ZBED6: variants seen among roughly 807,000 people sequenced by gnomAD.
ZBED6 encodes zinc finger BED-type containing 6, also known as zinc finger BED domain-containing protein 6.
Under a neutral mutation model 58.4 loss-of-function variants are expected in ZBED6, and 40 were observed. The observed-to-expected ratio is 0.68, with a 90% CI of 0.53 to 0.89. The LOEUF is 0.89. Ranked by LOEUF, ZBED6 falls within the 40% of genes least tolerant of loss-of-function variation. ZBED6 has a pLI of 0.00. For missense variants in ZBED6, 1,057 were observed against 1,003.9 expected (o/e 1.05, Z -0.71); for synonymous variants, 439 against 350.6 (o/e 1.25, Z -2.82).
intron 7 of ZBED6, 47 bp downstream of exon 7, chr1:203,830,250 G>T: frequency 7.0e-7 from 1 of 1,433,196 alleles, no homozygotes; most frequent in Non-Finnish European, 9.6e-7. Context: ...TGCTAGGGAA[G>T]AATACTAAGG....
chr1:203,818,798 A>G, intron 3 of ZBED6, 109 bp downstream of exon 3: 2 of 1,518,566 alleles, frequency 1.3e-6, no homozygotes, highest in African/African-American at 1.4e-5. Flanking sequence ...GGCTGAGTGC[A>G]GTGGCTCATG....
At chr1:203,834,281 T>C (rs914994851) in intron 9 of ZBED6, among the ~76,000 whole-genome samples, 1 of 152,176 alleles carries the variant, frequency 6.6e-6, no homozygotes, top group African/African-American at 2.4e-5. Flanking sequence ...TATTTATTTA[T>C]TTATTTAGAG....
intron 9 of ZBED6, among the ~76,000 whole-genome samples, chr1:203,837,102 C>G (rs1572245748): frequency 6.6e-6 from 1 of 151,946 alleles, no homozygotes; most frequent in African/African-American, 2.4e-5. Context: ...CAAGACCAGC[C>G]TGGGCAACAT....
chr1:203,844,593 T>C (rs1053106242), intron 11 of ZBED6, among the ~76,000 whole-genome samples: 1 of 152,216 alleles, frequency 6.6e-6, no homozygotes, highest in Admixed American at 6.5e-5. Flanking sequence ...TTTCCATAGT[T>C]GTAAGTACCT....
intron 3 of ZBED6, among the ~76,000 whole-genome samples, chr1:203,824,910 A>C (rs1283744915): frequency 6.6e-6 from 1 of 152,020 alleles, no homozygotes; most frequent in African/African-American, 2.4e-5. Flanking sequence ...CCCTGTCTCT[A>C]CTAAAAATAC....
chr1:203,841,142 C>G (rs200251988), intron 11 of ZBED6, among the ~76,000 whole-genome samples: 23 of 129,834 alleles, frequency 1.8e-4, no homozygotes, highest in Non-Finnish European at 3.7e-4. Flanking sequence ...ACATAAGAAT[C>G]TTTTTTTTTT....
intron 1 of ZBED6, among the ~76,000 whole-genome samples, chr1:203,809,082 G>A (rs1410032173): frequency 4.6e-5 from 7 of 151,522 alleles, no homozygotes; most frequent in South Asian, 4.2e-4. Flanking sequence ...CACCTGTCTC[G>A]GCCTCCCAAA....
At chr1:203,803,860 G>A (rs1671285409) in intron 1 of ZBED6, among the ~76,000 whole-genome samples, 2 of 152,092 alleles carry the variant, frequency 1.3e-5, no homozygotes, top group African/African-American at 2.4e-5. Flanking sequence ...TCCTGCCTTG[G>A]CCAACCAGTG....
intron 4 of ZBED6, 63 bp downstream of exon 4, chr1:203,828,485 C>G (rs533562441): frequency 2.2e-4 from 340 of 1,531,648 alleles, no homozygotes; most frequent in Non-Finnish European, 2.7e-4. Flanking sequence ...CACTGTACAA[C>G]AGTACTTTTC....
chr1:203,818,513 A>G, intron 2 of ZBED6, 57 bp from the exon 3 acceptor site: 6 of 1,608,242 alleles, frequency 3.7e-6, no homozygotes, highest in Non-Finnish European at 8.5e-7. Context: ...TGTTATGGAT[A>G]TTTTACCTAG....
chr1:203,818,577 G>C (rs1365874924), exon 3 of ZBED6: 1 of 1,613,994 alleles, frequency 6.2e-7, no homozygotes, highest in Non-Finnish European at 8.5e-7. Context: ...CAGGGTGACA[G>C]CTGCCCATTC....
At chr1:203,819,756 A>T (rs1041767902) in intron 3 of ZBED6, among the ~76,000 whole-genome samples, 33 of 143,382 alleles carry the variant, frequency 2.3e-4, no homozygotes, top group Non-Finnish European at 5.0e-4. Context: ...CTGGTCTCGA[A>T]CTCCTGATCT....
At position 203,820,170 on chromosome 1, in the gene ZBED6, G is replaced by C. The variant is rs1275583271; in HGVS notation, c.*2873+1481G>C. Among the ~76,000 whole-genome samples, 6 of 151,718 alleles carry C rather than the reference G, an allele frequency of 4.0e-5. No homozygotes were observed. The South Asian group carries it at 8.3e-4, about 21-fold the overall frequency. ...GAATCGCTTGAACCTGGGAGGCGGA[G>C]GTTGCACTGAGCTGAGATTGCGCCA... On this transcript the variant is annotated intron_variant, in intron 3 of 16. Transcript: ENST00000550078.
intron 3 of ZBED6, among the ~76,000 whole-genome samples, chr1:203,819,737 C>CTGGTCA (rs1677845145): frequency 6.7e-6 from 1 of 149,860 alleles, no homozygotes; most frequent in African/African-American, 2.5e-5. Flanking sequence ...TTTTGCCATG[C>CTGGTCA]TGGTCAGGCT....
intron 13 of ZBED6, among the ~76,000 whole-genome samples, chr1:203,848,847 T>C (rs1036086285): frequency 3.9e-5 from 6 of 152,200 alleles, no homozygotes; most frequent in African/African-American, 9.6e-5. Flanking sequence ...GAACAAACCC[T>C]AAAAATATAC....
chr1:203,819,058 A>G (rs1249139811), intron 3 of ZBED6, among the ~76,000 whole-genome samples: 1 of 133,218 alleles, frequency 7.5e-6, no homozygotes, highest in Non-Finnish European at 1.6e-5. Flanking sequence ...ACAGAGCAAC[A>G]CTCCGTCTCA....
intron 3 of ZBED6, among the ~76,000 whole-genome samples, chr1:203,826,738 A>T (rs1420335367): frequency 6.6e-6 from 1 of 152,168 alleles, no homozygotes; most frequent in Non-Finnish European, 1.5e-5. Context: ...GTTTATGATG[A>T]TTAGAGATTC....
chr1:203,813,134 C>A (rs1007939595), intron 1 of ZBED6, among the ~76,000 whole-genome samples: 3 of 151,968 alleles, frequency 2.0e-5, no homozygotes, highest in Non-Finnish European at 4.4e-5. Context: ...CTTTCTTAAG[C>A]TTCTTAACAG....
chr1:203,805,352 C>T (rs1053744689), intron 1 of ZBED6, among the ~76,000 whole-genome samples: 10 of 151,820 alleles, frequency 6.6e-5, no homozygotes, highest in African/African-American at 2.4e-4. Flanking sequence ...AGGCTGGTCT[C>T]GAACTTCTGA....
Sources: allele counts gnomAD v4.1 joint callset (sites outside exome capture counted in the v4.1 genomes callset), GRCh38; gene constraint gnomAD v4.1.1; transcripts MANE v1.5; gene names NCBI Gene and HGNC (gene_info 2026-07-23, HGNC 2026-07-21).